Variants in ASIC2 observed in about 807,000 individuals in gnomAD.
The protein encoded by ASIC2 is acid-sensing ion channel 2.
Under a neutral mutation model 57.3 loss-of-function variants are expected in ASIC2, and 25 were observed. The ratio of observed to expected loss-of-function variants is 0.44; its 90% CI spans 0.32 to 0.61. The LOEUF is 0.61. Among genes scored for constraint, ASIC2 ranks in the 20% least tolerant of loss-of-function variants. ASIC2 has a pLI of 0.06. For missense variants in ASIC2, 641 were observed against 738.1 expected (o/e 0.87, Z 1.52); for synonymous variants, 319 against 307.5 (o/e 1.04, Z -0.39).
At chr17:33,979,923 G>T (rs929492610) in intron 1 of ASIC2, among the ~76,000 whole-genome samples, 2 of 152,184 alleles carry the variant, frequency 1.3e-5, no homozygotes, top group Admixed American at 1.3e-4. Flanking sequence ...AAAGTAACTA[G>T]ACTTCTCTCT....
At chr17:33,838,459 T>C (rs914155404) in intron 1 of ASIC2, among the ~76,000 whole-genome samples, 2 of 152,198 alleles carry the variant, frequency 1.3e-5, no homozygotes, top group Non-Finnish European at 2.9e-5. Context: ...TAAGACTTGA[T>C]CAACTATCAG....
intron 3 of ASIC2, among the ~76,000 whole-genome samples, chr17:33,062,939 T>A (rs1567731171): frequency 6.6e-6 from 1 of 152,332 alleles, no homozygotes; most frequent in East Asian, 1.9e-4. Flanking sequence ...TCTCTTTTGA[T>A]CTTTGTTGGT....
chr17:33,904,040 G>A (rs982095615), intron 1 of ASIC2, among the ~76,000 whole-genome samples: 3 of 151,662 alleles, frequency 2.0e-5, no homozygotes, highest in African/African-American at 7.3e-5. Context: ...GTGCATGGCT[G>A]TAATTCCAGC....
intron 1 of ASIC2, among the ~76,000 whole-genome samples, chr17:33,253,745 A>T (rs1364368549): frequency 1.3e-5 from 2 of 152,104 alleles, no homozygotes; most frequent in East Asian, 3.8e-4. Context: ...TAAAAAGAGG[A>T]TTTTTAAAAT....
intron 1 of ASIC2, among the ~76,000 whole-genome samples, chr17:33,204,406 C>T (rs1906986249): frequency 6.6e-6 from 1 of 152,206 alleles, no homozygotes; most frequent in African/African-American, 2.4e-5. Flanking sequence ...AGAAGATCAG[C>T]TGCTGCCACC....
At chr17:33,416,245 G>A (rs561194903) in intron 1 of ASIC2, among the ~76,000 whole-genome samples, 35 of 152,342 alleles carry the variant, frequency 2.3e-4, no homozygotes, top group Middle Eastern at 3.4e-3. Flanking sequence ...AAACCACATG[G>A]ATTTGGAAAT....
intron 1 of ASIC2, among the ~76,000 whole-genome samples, chr17:33,217,392 GCA>G (rs1261127174): frequency 2.6e-5 from 4 of 152,130 alleles, no homozygotes; most frequent in Admixed American, 2.6e-4. Context: ...TTTGTGAAAT[GCA>G]CACACACACA....
At chr17:33,706,204 C>CATATATATAT (rs3030213) in intron 1 of ASIC2, among the ~76,000 whole-genome samples, 21 of 140,766 alleles carry the variant, frequency 1.5e-4, no homozygotes, top group Non-Finnish European at 2.8e-4. Flanking sequence ...ATATATGATT[C>CATATATATAT]ATATATATAT....
At chr17:33,430,747 C>G (rs1911383302) in intron 1 of ASIC2, among the ~76,000 whole-genome samples, 1 of 152,140 alleles carries the variant, frequency 6.6e-6, no homozygotes, top group Non-Finnish European at 1.5e-5. Context: ...AAATAGTTGG[C>G]AGTTCAAATA....
chr17:33,966,432 A>T (rs1905076909), intron 1 of ASIC2, among the ~76,000 whole-genome samples: 1 of 152,228 alleles, frequency 6.6e-6, no homozygotes, highest in African/African-American at 2.4e-5. Context: ...AAAGGAGATA[A>T]TGTATGTAAA....
intron 1 of ASIC2, among the ~76,000 whole-genome samples, chr17:34,046,694 A>G (rs1908350937): frequency 6.6e-6 from 1 of 152,222 alleles, no homozygotes; most frequent in Non-Finnish European, 1.5e-5. Context: ...TTTGTATAGT[A>G]CTGAATGGGA....
chr17:34,027,300 G>C (rs1485315399), intron 1 of ASIC2, among the ~76,000 whole-genome samples: 1 of 152,152 alleles, frequency 6.6e-6, no homozygotes, highest in East Asian at 1.9e-4. Context: ...CCACCTGAAA[G>C]AGTTATTTGA....
intron 1 of ASIC2, among the ~76,000 whole-genome samples, chr17:33,938,060 G>T (rs1916106980): frequency 6.6e-6 from 1 of 152,196 alleles, no homozygotes; most frequent in Admixed American, 6.5e-5. Context: ...TTTCTGGCCT[G>T]GTTTGAATAG....
At chr17:33,075,183 G>A (rs1167914821) in intron 3 of ASIC2, among the ~76,000 whole-genome samples, 1 of 152,182 alleles carries the variant, frequency 6.6e-6, no homozygotes, top group Non-Finnish European at 1.5e-5. Context: ...TAGTGAATAA[G>A]GCTCATGAGA....
chr17:33,976,293 C>T (rs1274616551), intron 1 of ASIC2, among the ~76,000 whole-genome samples: 1 of 152,032 alleles, frequency 6.6e-6, no homozygotes, highest in African/African-American at 2.4e-5. Context: ...TCTCAGACTT[C>T]TGGTTGTGGA....
intron 1 of ASIC2, among the ~76,000 whole-genome samples, chr17:33,435,164 CTGTT>C (rs1911564199): frequency 1.3e-5 from 2 of 152,144 alleles, no homozygotes; most frequent in Non-Finnish European, 2.9e-5. Context: ...TTTTCTAGCT[CTGTT>C]TGCTGAAAAG....
At chr17:33,870,224 G>GTTTTTTTTTTTTT (rs869267956) in intron 1 of ASIC2, among the ~76,000 whole-genome samples, 2 of 50,116 alleles carry the variant, frequency 4.0e-5, no homozygotes, top group Non-Finnish European at 6.9e-5. Flanking sequence ...GAGAAATTCT[G>GTTTTTTTTTTTTT]TTTTTTTTTT....
At chr17:33,901,302 C>G (rs968661336) in intron 1 of ASIC2, among the ~76,000 whole-genome samples, 1 of 152,158 alleles carries the variant, frequency 6.6e-6, no homozygotes, top group Non-Finnish European at 1.5e-5. Flanking sequence ...GAGAAATACT[C>G]CCTTCAGCAG....
At chr17:33,126,718 G>A (rs1485155581) in intron 1 of ASIC2, among the ~76,000 whole-genome samples, 2 of 152,080 alleles carry the variant, frequency 1.3e-5, no homozygotes, top group African/African-American at 2.4e-5. Flanking sequence ...CCGGGGAGAT[G>A]GAGGTTGCCG....
Sources: allele counts gnomAD v4.1 joint callset (sites outside exome capture counted in the v4.1 genomes callset), GRCh38; gene constraint gnomAD v4.1.1; transcripts MANE v1.5; gene names NCBI Gene and HGNC (gene_info 2026-07-23, HGNC 2026-07-21).